CFAP299: variants seen among roughly 807,000 people sequenced by gnomAD.
CFAP299 encodes cilia and flagella associated protein 299.
CFAP299 carries 21 observed loss-of-function variants against 27.0 expected under a neutral mutation model. The ratio of observed to expected loss-of-function variants is 0.78; its 90% CI spans 0.55 to 1.12. The LOEUF (loss-of-function observed/expected upper bound fraction) is 1.12. CFAP299 is among the 50% of genes most tolerant of loss of function. The pLI is 0.00. For missense variants in CFAP299, 310 were observed against 276.6 expected, an observed-to-expected ratio of 1.12 and a Z score of -0.86; for synonymous variants, 104 against 98.1, an observed-to-expected ratio of 1.06 and a Z score of -0.36.
intron 3 of CFAP299, among the ~76,000 whole-genome samples, chr4:80,660,053 T>C (rs1310278159): frequency 1.3e-5 from 2 of 152,052 alleles, no homozygotes; most frequent in Non-Finnish European, 2.9e-5. Context: ...GATCTAAAAT[T>C]GGGGCAATAG....
chr4:80,615,997 C>CA (rs1347837616), intron 3 of CFAP299, among the ~76,000 whole-genome samples: 2 of 152,298 alleles, frequency 1.3e-5, no homozygotes, highest in African/African-American at 2.4e-5. Flanking sequence ...TATTAATACT[C>CA]AGTTACTAAC....
At chr4:80,749,976 G>T (rs1724841885) in intron 3 of CFAP299, among the ~76,000 whole-genome samples, 1 of 152,140 alleles carries the variant, frequency 6.6e-6, no homozygotes, top group Non-Finnish European at 1.5e-5. Context: ...CTTGGTAAGT[G>T]AATTATAAAT....
At chr4:80,497,825 A>G (rs552843173) in intron 2 of CFAP299, among the ~76,000 whole-genome samples, 1 of 152,320 alleles carries the variant, frequency 6.6e-6, no homozygotes, top group East Asian at 1.9e-4. Context: ...AAAAGAAGAA[A>G]GCCAGAAGCA....
chr4:80,772,021 C>T (rs1726247690), intron 3 of CFAP299, among the ~76,000 whole-genome samples: 1 of 152,184 alleles, frequency 6.6e-6, no homozygotes, highest in African/African-American at 2.4e-5. Flanking sequence ...TTTCTAATTG[C>T]AGTCCCAAGC....
At chr4:80,723,083 A>G (rs904356064) in intron 3 of CFAP299, among the ~76,000 whole-genome samples, 1 of 152,152 alleles carries the variant, frequency 6.6e-6, no homozygotes, top group African/African-American at 2.4e-5. Flanking sequence ...TCTAAAATAA[A>G]CAAACCTGAC....
At chr4:80,724,814 CTTTT>C (rs540962041) in intron 3 of CFAP299, among the ~76,000 whole-genome samples, 1 of 151,648 alleles carries the variant, frequency 6.6e-6, no homozygotes, top group African/African-American at 2.4e-5. Flanking sequence ...TGCTTTCTTC[CTTTT>C]TTTTCTTTCT....
chr4:80,569,813 CATAA>C (rs948811824), intron 2 of CFAP299, among the ~76,000 whole-genome samples: 4 of 151,866 alleles, frequency 2.6e-5, no homozygotes, highest in Non-Finnish European at 5.9e-5. Flanking sequence ...CTTTAAAAAT[CATAA>C]ATAAGTAGTG....
intron 4 of CFAP299, among the ~76,000 whole-genome samples, chr4:80,881,497 C>T (rs1358854738): frequency 6.6e-6 from 1 of 152,200 alleles, no homozygotes; most frequent in Admixed American, 6.5e-5. Context: ...TGAGGCTTTT[C>T]CTCCAGGGGG....
chr4:80,330,747 G>A (rs1224417175), upstream of CFAP299, among the ~76,000 whole-genome samples: 1 of 152,190 alleles, frequency 6.6e-6, no homozygotes, highest in Admixed American at 6.5e-5. Flanking sequence ...TTTCTAAAAT[G>A]TAGGTGCTAA....
chr4:80,754,031 GT>G (rs1004657914), intron 3 of CFAP299, among the ~76,000 whole-genome samples: 4 of 152,032 alleles, frequency 2.6e-5, no homozygotes, highest in Non-Finnish European at 5.9e-5. Context: ...CAGTCCATGA[GT>G]TTTTTTCCTT....
intron 4 of CFAP299, among the ~76,000 whole-genome samples, chr4:80,897,607 A>G (rs1734669725): frequency 6.6e-6 from 1 of 152,178 alleles, no homozygotes; most frequent in Non-Finnish European, 1.5e-5. Flanking sequence ...TGCAGCCTCT[A>G]CCACAATCAG....
chr4:80,472,943 GTGA>G (rs1318126764), intron 2 of CFAP299, among the ~76,000 whole-genome samples: 6 of 152,050 alleles, frequency 3.9e-5, no homozygotes, highest in Non-Finnish European at 2.9e-5. Context: ...TGCCATACAG[GTGA>G]TTAATTGATA....
chr4:80,633,247 G>A (rs1047880025), intron 3 of CFAP299, among the ~76,000 whole-genome samples: 2 of 152,162 alleles, frequency 1.3e-5, no homozygotes, highest in Admixed American at 6.5e-5. Flanking sequence ...AGGAGTTTGA[G>A]ACCAGCCTGG....
At chr4:80,646,193 G>C (rs1740002200) in intron 3 of CFAP299, among the ~76,000 whole-genome samples, 1 of 152,246 alleles carries the variant, frequency 6.6e-6, no homozygotes, top group African/African-American at 2.4e-5. Flanking sequence ...GCAAATGCGT[G>C]TGTTCTACAT....
chr4:80,524,231 G>A (rs1476494531), intron 2 of CFAP299, among the ~76,000 whole-genome samples: 4 of 151,996 alleles, frequency 2.6e-5, no homozygotes, highest in Non-Finnish European at 2.9e-5. Flanking sequence ...TCAATTTTAA[G>A]TCATCTTGTG....
At chr4:80,715,628 T>C (rs1183937115) in intron 3 of CFAP299, among the ~76,000 whole-genome samples, 1 of 152,120 alleles carries the variant, frequency 6.6e-6, no homozygotes, top group Non-Finnish European at 1.5e-5. Flanking sequence ...TGGCATATGC[T>C]TTTTAGAAAT....
At chr4:80,417,286 G>A (rs980957060) in intron 2 of CFAP299, among the ~76,000 whole-genome samples, 1 of 152,144 alleles carries the variant, frequency 6.6e-6, no homozygotes, top group Non-Finnish European at 1.5e-5. Flanking sequence ...GTGGGTTTTA[G>A]CGGACTTCTT....
At chr4:80,865,091 T>G (rs1732644705) in intron 3 of CFAP299, among the ~76,000 whole-genome samples, 1 of 152,146 alleles carries the variant, frequency 6.6e-6, no homozygotes, top group Non-Finnish European at 1.5e-5. Context: ...CCTTGGGAGT[T>G]ACCAAAACTC....
chr4:80,906,822 T>C (rs1025975901), intron 4 of CFAP299, among the ~76,000 whole-genome samples: 3 of 152,106 alleles, frequency 2.0e-5, no homozygotes, highest in African/African-American at 7.2e-5. Flanking sequence ...ACAAGGCCAT[T>C]TTTCCCTCCT....
Sources: gnomAD v4.1 joint callset for allele counts (sites outside exome capture counted in the v4.1 genomes callset) on GRCh38, gnomAD v4.1.1 for gene constraint, MANE v1.5 for transcripts, NCBI Gene and HGNC (gene_info 2026-07-23, HGNC 2026-07-21) for gene names.